SPTLC2: variants seen among roughly 807,000 people sequenced by gnomAD.
SPTLC2 encodes the protein serine palmitoyltransferase long chain base subunit 2.
A neutral mutation model predicts 62.0 loss-of-function variants in SPTLC2; 21 were observed. The ratio of observed to expected loss-of-function variants is 0.34; its 90% CI spans 0.24 to 0.49. SPTLC2 has a LOEUF of 0.49. Ranked by LOEUF, SPTLC2 falls within the 20% of genes least tolerant of loss-of-function variation. The pLI is 0.99. For missense variants in SPTLC2, 511 were observed against 713.0 expected (o/e 0.72, Z 3.23); for synonymous variants, 261 against 261.8 (o/e 1.00, Z 0.03).
chr14:77,522,988 T>C (rs558489989), intron 9 of SPTLC2, among the ~76,000 whole-genome samples: 1 of 152,358 alleles, frequency 6.6e-6, no homozygotes, highest in East Asian at 1.9e-4. Context: ...TTTATGTAGA[T>C]AATTTCAAGT....
At chr14:77,572,864 T>C (rs892579759) in intron 4 of SPTLC2, among the ~76,000 whole-genome samples, 13 of 152,228 alleles carry the variant, frequency 8.5e-5, no homozygotes, top group African/African-American at 3.1e-4. Flanking sequence ...CTTGATAGAA[T>C]TGAAGCGATT....
rs1306776646 is a variant in SPTLC2, at chr14:77,602,444, A to AC, written c.133-5065_133-5064insG. 4.6e-5 allele frequency among the ~76,000 whole-genome samples: 7 copies of AC among 151,892 alleles called. No homozygotes were observed. The East Asian group carries it at 1.4e-3, about 29-fold the overall frequency. ...TTGGAGTCATCTTTGGCTCCACCTT[A>AC]TTTTCTGGCTTCCAGATAGAATTAG... On this transcript the variant is annotated intron_variant, in intron 1 of 11. Coordinates refer to ENST00000216484, the MANE Select transcript of SPTLC2 (RefSeq NM_004863.4).
chr14:77,576,746 C>T (rs906384448), intron 4 of SPTLC2, 21 bp downstream of exon 4: 1 of 1,614,084 alleles, frequency 6.2e-7, no homozygotes, highest in Non-Finnish European at 8.5e-7. Flanking sequence ...CAGCAGCTGG[C>T]CAAATACAGC....
intron 1 of SPTLC2, among the ~76,000 whole-genome samples, chr14:77,604,615 A>C (rs1414717108): frequency 6.6e-6 from 1 of 152,090 alleles, no homozygotes; most frequent in African/African-American, 2.4e-5. Flanking sequence ...CACCTGTAAT[A>C]CTAGCACTTT....
intron 3 of SPTLC2, among the ~76,000 whole-genome samples, chr14:77,578,533 A>G (rs975472975): frequency 2.3e-4 from 35 of 152,138 alleles, no homozygotes; most frequent in Admixed American, 7.2e-4. Flanking sequence ...CCTGGCCAAC[A>G]TGGTGAAACC....
intron 11 of SPTLC2, among the ~76,000 whole-genome samples, chr14:77,517,530 TC>T: frequency 6.6e-6 from 1 of 152,090 alleles, no homozygotes; most frequent in South Asian, 2.1e-4. Context: ...CTTATTCCTA[TC>T]CTCAATATTT....
In SPTLC2 at chr14:77,557,092, C is replaced by T. The variant is rs766660719; in HGVS notation, c.905G>A (p.Arg302Gln). ...AATTTTCTTCCAGGGCCTTCGTGTC[C>T]GAGGCTGACCATAAACAATGGCATC... ...LKDAIVYGQP[R>Q]TRRPWKKILI... is the part of the protein sequence containing the mutation. The change falls in exon 7 of 12, where the codon CGG (arginine) becomes CAG (glutamine). Residue 302 changes from arginine to glutamine, a missense_variant. Arg to Gln is a conservative substitution (Grantham distance 43). Transcript: ENST00000216484. 2.2e-5 allele frequency: 35 copies of T among 1,613,778 alleles called. 1 individual carries two copies. The highest frequency in any genetic ancestry group is 1.5e-4 in the South Asian group (14 of 91,090).
At chr14:77,535,592 A>T (rs976831397) in intron 9 of SPTLC2, 2 of 165,282 alleles carry the variant, frequency 1.2e-5, no homozygotes, top group African/African-American at 4.8e-5. Context: ...GAAGTGTTAC[A>T]AACAAGGTAT....
At chr14:77,531,463 T>TCCTCCTCCTCCTCCTCCTCCTCCC (rs1228864711) in intron 9 of SPTLC2, among the ~76,000 whole-genome samples, 2 of 121,196 alleles carry the variant, frequency 1.7e-5, no homozygotes, top group South Asian at 2.7e-4. Context: ...CTCCTCCTCC[T>TCCTCCTCCTCCTCCTCCTCCTCCC]CCTCCTCCTC....
chr14:77,536,284 G>T (rs1258198478), intron 9 of SPTLC2, among the ~76,000 whole-genome samples: 1 of 151,366 alleles, frequency 6.6e-6, no homozygotes, highest in African/African-American at 2.4e-5. Context: ...GATTAATTTT[G>T]TTATATATAT....
chr14:77,599,606 A>T (rs1159495801), intron 1 of SPTLC2, among the ~76,000 whole-genome samples: 2 of 152,364 alleles, frequency 1.3e-5, no homozygotes, highest in East Asian at 1.9e-4. Context: ...CAACTTGATG[A>T]TCTAAATAAC....
At chr14:77,522,244 A>G (rs1031279215) in intron 9 of SPTLC2, among the ~76,000 whole-genome samples, 2 of 151,714 alleles carry the variant, frequency 1.3e-5, no homozygotes, top group Non-Finnish European at 2.9e-5. Flanking sequence ...GCTCACTGCA[A>G]TCTCTGCTTC....
At chr14:77,523,557 G>A (rs756687926) in intron 9 of SPTLC2, among the ~76,000 whole-genome samples, 5 of 152,178 alleles carry the variant, frequency 3.3e-5, no homozygotes, top group African/African-American at 9.7e-5. Flanking sequence ...ATTTCTATAC[G>A]CATGAAAAGA....
intron 1 of SPTLC2, among the ~76,000 whole-genome samples, chr14:77,615,764 CCTTGTGTGATAGCA>C (rs2079963120): frequency 6.6e-6 from 1 of 152,166 alleles, no homozygotes; most frequent in African/African-American, 2.4e-5. Context: ...TAAACAATCC[CCTTGTGTGATAGCA>C]CTCGTGTTCA....
intron 1 of SPTLC2, among the ~76,000 whole-genome samples, chr14:77,604,866 CAAA>C (rs35580409): frequency 8.5e-5 from 8 of 94,154 alleles, no homozygotes; most frequent in Non-Finnish European, 1.2e-4. Flanking sequence ...GACTCTTTCT[CAAA>C]AAAAAAAAAA....
At chr14:77,512,995 G>A (rs1005747248) in intron 11 of SPTLC2, among the ~76,000 whole-genome samples, 24 of 135,868 alleles carry the variant, frequency 1.8e-4, no homozygotes, top group African/African-American at 3.5e-4. Flanking sequence ...GATTATAGGC[G>A]TAAGCCAACG....
chr14:77,515,881 A>G (rs1245121434), intron 11 of SPTLC2, among the ~76,000 whole-genome samples: 1 of 152,126 alleles, frequency 6.6e-6, no homozygotes, highest in Admixed American at 6.5e-5. Context: ...GAAAATTGTA[A>G]AAGAAATTTT....
At chr14:77,543,621 G>T (rs2079513361) in intron 9 of SPTLC2, among the ~76,000 whole-genome samples, 1 of 152,114 alleles carries the variant, frequency 6.6e-6, no homozygotes, top group African/African-American at 2.4e-5. Flanking sequence ...GGATTAATAG[G>T]TTATAAAAAT....
At chr14:77,534,408 A>C (rs2079458097) in intron 9 of SPTLC2, among the ~76,000 whole-genome samples, 1 of 152,190 alleles carries the variant, frequency 6.6e-6, no homozygotes, top group African/African-American at 2.4e-5. Context: ...AACTGTATAC[A>C]TACAGCGGTT....
Sources: allele counts gnomAD v4.1 joint callset (sites outside exome capture counted in the v4.1 genomes callset), GRCh38; gene constraint gnomAD v4.1.1; transcripts MANE v1.5; gene names NCBI Gene and HGNC (gene_info 2026-07-23, HGNC 2026-07-21).